The following MAP2K5 variants were observed in gnomAD, a reference collection of about 807,000 sequenced individuals.
MAP2K5 encodes mitogen-activated protein kinase kinase 5, also known as dual specificity mitogen-activated protein kinase kinase 5.
Under a neutral mutation model 83.1 loss-of-function variants are expected in MAP2K5, and 49 were observed. The observed-to-expected ratio is 0.59, with a 90% CI of 0.47 to 0.75. The LOEUF (loss-of-function observed/expected upper bound fraction) is 0.75. Among genes scored for constraint, MAP2K5 ranks in the 30% least tolerant of loss-of-function variants. The probability of loss-of-function intolerance (pLI) is 0.00; values close to 1 mark genes in which losing one functional copy is unlikely to be tolerated. For synonymous variants in MAP2K5, 202 were observed against 191.8 expected (o/e 1.05, Z -0.44); for missense variants, 457 against 557.5 (o/e 0.82, Z 1.82).
chr15:67,620,672 C>G (rs1012128964), intron 8 of MAP2K5, among the ~76,000 whole-genome samples: 1 of 151,956 alleles, frequency 6.6e-6, no homozygotes, highest in African/African-American at 2.4e-5. Flanking sequence ...GTTAAAAAGA[C>G]TGGAGAAAAT....
chr15:67,671,568 C>T (rs1398214353), intron 13 of MAP2K5, among the ~76,000 whole-genome samples: 3 of 151,894 alleles, frequency 2.0e-5, no homozygotes, highest in African/African-American at 7.3e-5. Flanking sequence ...ATCAGGGACA[C>T]TGAAAATGAA....
chr15:67,663,730 C>A (rs911425112), intron 12 of MAP2K5, among the ~76,000 whole-genome samples: 1 of 152,000 alleles, frequency 6.6e-6, no homozygotes, highest in Non-Finnish European at 1.5e-5. Context: ...TTAAAATTAG[C>A]AGGGTATGGT....
intron 16 of MAP2K5, among the ~76,000 whole-genome samples, chr15:67,723,152 A>G (rs568145604): frequency 1.3e-5 from 2 of 152,272 alleles, no homozygotes; most frequent in East Asian, 1.9e-4. Context: ...TTCTATGACA[A>G]TAATTATTTT....
chr15:67,643,266 T>C (rs2086754083), intron 9 of MAP2K5, among the ~76,000 whole-genome samples: 1 of 152,226 alleles, frequency 6.6e-6, no homozygotes, highest in African/African-American at 2.4e-5. Flanking sequence ...TTTTATGCTA[T>C]AGGATTGAAC....
chr15:67,610,871 C>T (rs943306689), intron 8 of MAP2K5, among the ~76,000 whole-genome samples: 2 of 152,114 alleles, frequency 1.3e-5, no homozygotes. Context: ...CCTAAAATTT[C>T]CTTACTTTTC....
intron 3 of MAP2K5, among the ~76,000 whole-genome samples, chr15:67,575,916 CTTTTTTTT>C (rs71142381): frequency 7.4e-6 from 1 of 135,736 alleles, no homozygotes; most frequent in Non-Finnish European, 1.6e-5. Context: ...TTCTTTCTTT[CTTTTTTTT>C]TTTTTTTTTT....
rs1655361527 is a variant in MAP2K5, at chr15:67,802,897, C to CTGGAGCCAAGCCCAGGGG, written c.1243-3749_1243-3748insTGGAGCCAAGCCCAGGGG. 6.6e-6 allele frequency among the ~76,000 whole-genome samples: 1 copy of CTGGAGCCAAGCCCAGGGG among 152,222 alleles called. No individual in the cohort carries two copies. Among genetic ancestry groups the CTGGAGCCAAGCCCAGGGG allele is most frequent in the African/African-American group, 2.4e-5 (1 of 41,456 alleles). On this transcript the variant is annotated intron_variant, in intron 21 of 21. Transcript: ENST00000178640. The surrounding 1 kb of genome is among the most constrained non-coding windows in gnomAD (Gnocchi z 5.0). ...CCAAGCCCAGGGGAGGGACCAGCCGCAGGGGCTGGAGACTGCAAGGAGCCT... is the reference window on the plus strand; with the variant it reads ...CCAAGCCCAGGGGAGGGACCAGCCGCTGGAGCCAAGCCCAGGGGAGGGGCTGGAGACTGCAAGGAGCCT...
intron 17 of MAP2K5, among the ~76,000 whole-genome samples, chr15:67,730,092 A>G (rs960752513): frequency 2.0e-5 from 3 of 152,186 alleles, no homozygotes; most frequent in African/African-American, 7.2e-5. Flanking sequence ...AAGTTTTTCA[A>G]CAGAAGTTGG....
intron 8 of MAP2K5, among the ~76,000 whole-genome samples, chr15:67,616,927 C>T (rs185202289): frequency 3.9e-5 from 6 of 152,238 alleles, no homozygotes; most frequent in African/African-American, 9.6e-5. Flanking sequence ...TTTCACTAAC[C>T]TTCTTTGAAG....
chr15:67,589,650 T>C (rs1336891094), intron 6 of MAP2K5, among the ~76,000 whole-genome samples: 7 of 152,234 alleles, frequency 4.6e-5, no homozygotes, highest in Non-Finnish European at 1.0e-4. Context: ...CATAATGGAA[T>C]ATCTATGTAG....
chr15:67,740,737 T>G (rs958890579), intron 17 of MAP2K5, among the ~76,000 whole-genome samples: 3 of 152,190 alleles, frequency 2.0e-5, no homozygotes, highest in Non-Finnish European at 4.4e-5. Context: ...ATCAGAAATG[T>G]GAATGCATGG....
At chr15:67,695,413 G>A (rs2088227508) in intron 15 of MAP2K5, among the ~76,000 whole-genome samples, 1 of 152,084 alleles carries the variant, frequency 6.6e-6, no homozygotes, top group Non-Finnish European at 1.5e-5. Flanking sequence ...TTTAAAGAAA[G>A]TTTATACTTT....
chr15:67,706,038 A>G (rs2088545218), intron 16 of MAP2K5, among the ~76,000 whole-genome samples: 1 of 152,164 alleles, frequency 6.6e-6, no homozygotes, highest in African/African-American at 2.4e-5. Flanking sequence ...TCTGACTTAA[A>G]TTTTCACAGT....
chr15:67,551,250 C>G (rs1177360109), intron 2 of MAP2K5, among the ~76,000 whole-genome samples: 1 of 152,164 alleles, frequency 6.6e-6, no homozygotes, highest in African/African-American at 2.4e-5. Flanking sequence ...CTTAGCAGAT[C>G]CACTGTCAGG....
At chr15:67,595,665 T>C (rs1280664251) in intron 7 of MAP2K5, among the ~76,000 whole-genome samples, 1 of 152,212 alleles carries the variant, frequency 6.6e-6, no homozygotes, top group African/African-American at 2.4e-5. Flanking sequence ...TAACACTTAG[T>C]CTTTGGAATG....
chr15:67,706,983 T>G (rs2088570018), intron 16 of MAP2K5, among the ~76,000 whole-genome samples: 1 of 152,202 alleles, frequency 6.6e-6, no homozygotes, highest in Non-Finnish European at 1.5e-5. Context: ...TGGCACAATC[T>G]CGGCTCACTG....
chr15:67,742,713 T>C (rs1654544938), intron 17 of MAP2K5, among the ~76,000 whole-genome samples: 1 of 152,242 alleles, frequency 6.6e-6, no homozygotes, highest in Non-Finnish European at 1.5e-5. Flanking sequence ...TAATTCACAT[T>C]AATCATTTTA....
chr15:67,672,689 G>T (rs1440718581), intron 13 of MAP2K5, among the ~76,000 whole-genome samples: 1 of 144,720 alleles, frequency 6.9e-6, no homozygotes, highest in Non-Finnish European at 1.5e-5. Flanking sequence ...GTCAATTTTG[G>T]CTTTTGTTGC....
chr15:67,716,364 A>G (rs2088826955), intron 16 of MAP2K5, among the ~76,000 whole-genome samples: 1 of 152,060 alleles, frequency 6.6e-6, no homozygotes, highest in African/African-American at 2.4e-5. Context: ...AAATAAACAA[A>G]CAGGATGATA....
Sources: gnomAD v4.1 joint callset for allele counts (sites outside exome capture counted in the v4.1 genomes callset) on GRCh38, gnomAD v4.1.1 for gene constraint, Gnocchi (gnomAD v3.1) non-coding constraint, MANE v1.5 for transcripts, NCBI Gene and HGNC (gene_info 2026-07-23, HGNC 2026-07-21) for gene names.